Variants in ROBO2 observed in about 807,000 individuals in gnomAD.
ROBO2 encodes the protein roundabout guidance receptor 2.
A neutral mutation model predicts 160.8 loss-of-function variants in ROBO2; 53 were observed. The ratio of observed to expected loss-of-function variants is 0.33; its 90% CI spans 0.26 to 0.41. ROBO2 has a LOEUF of 0.41. Ranked by LOEUF, ROBO2 falls within the 10% of genes least tolerant of loss-of-function variation. ROBO2 has a pLI of 1.00. For missense variants in ROBO2, 1,577 were observed against 1,722.4 expected (o/e 0.92, Z 1.49); for synonymous variants, 664 against 611.7 (o/e 1.09, Z -1.26).
chr3:77,555,017 G>T (rs2093059743), intron 8 of ROBO2, among the ~76,000 whole-genome samples: 1 of 151,832 alleles, frequency 6.6e-6, no homozygotes, highest in Non-Finnish European at 1.5e-5. Context: ...TAAGAAATTG[G>T]CACAGCTACC....
chr3:76,373,630 C>A (rs1416396644), intron 2 of ROBO2, among the ~76,000 whole-genome samples: 1 of 151,920 alleles, frequency 6.6e-6, no homozygotes, highest in Non-Finnish European at 1.5e-5. Flanking sequence ...ATTTCCAGTT[C>A]TTAATACAAT....
chr3:76,098,064 G>A (rs1025813704), intron 2 of ROBO2, among the ~76,000 whole-genome samples: 7 of 152,090 alleles, frequency 4.6e-5, no homozygotes. Flanking sequence ...ATATTTAAGA[G>A]TGTGGTTCAC....
chr3:76,291,618 G>A (rs1459523008), intron 2 of ROBO2, among the ~76,000 whole-genome samples: 1 of 151,908 alleles, frequency 6.6e-6, no homozygotes, highest in Non-Finnish European at 1.5e-5. Context: ...ATGTTAGGTT[G>A]GTTGTTAGTT....
At chr3:76,608,707 A>G (rs572637812) in intron 2 of ROBO2, among the ~76,000 whole-genome samples, 16 of 152,258 alleles carry the variant, frequency 1.1e-4, no homozygotes, top group African/African-American at 2.9e-4. Flanking sequence ...ATAGTTTGAG[A>G]TCTTAAATTT....
At position 77,384,050 on chromosome 3, in the gene ROBO2, G is replaced by C. The variant is rs561744567; in HGVS notation, c.389-93364G>C. Among the ~76,000 whole-genome samples, 5 of 152,258 alleles carry C rather than the reference G, an allele frequency of 3.3e-5. No homozygotes were observed. The South Asian group carries it at 8.3e-4, about 25-fold the overall frequency. Reference sequence around the variant, plus strand: ...AAATATGCCGCCCTGAAAATTTTCAGATGTAGTATGGTGTAAAATATGTTC... The same window carrying C: ...AAATATGCCGCCCTGAAAATTTTCACATGTAGTATGGTGTAAAATATGTTC... On this transcript the variant is annotated intron_variant, in intron 2 of 25. Coordinates refer to ENST00000461745, the Ensembl canonical transcript of ROBO2.
At chr3:76,312,605 G>A (rs573410470) in intron 2 of ROBO2, among the ~76,000 whole-genome samples, 1 of 152,096 alleles carries the variant, frequency 6.6e-6, no homozygotes, top group African/African-American at 2.4e-5. Context: ...ATATTTCCTA[G>A]TGTTATCAAT....
intron 2 of ROBO2, among the ~76,000 whole-genome samples, chr3:76,377,837 T>C (rs922863857): frequency 1.3e-5 from 2 of 152,174 alleles, no homozygotes; most frequent in East Asian, 3.9e-4. Context: ...CCAAGAATCA[T>C]TGATAACCAA....
At chr3:76,157,465 A>G (rs754296655) in intron 2 of ROBO2, among the ~76,000 whole-genome samples, 1 of 152,198 alleles carries the variant, frequency 6.6e-6, no homozygotes, top group Admixed American at 6.5e-5. Context: ...ATCTGTGAGT[A>G]TATAATCAAG....
chr3:77,249,483 G>A (rs958190042), intron 2 of ROBO2, among the ~76,000 whole-genome samples: 85 of 152,230 alleles, frequency 5.6e-4, no homozygotes, highest in Non-Finnish European at 2.4e-4. Flanking sequence ...ACTTAACATA[G>A]CATCTCACGG....
chr3:77,381,009 T>A (rs141738514), intron 2 of ROBO2, among the ~76,000 whole-genome samples: 19 of 152,082 alleles, frequency 1.2e-4, no homozygotes, highest in Non-Finnish European at 2.5e-4. Context: ...AAAGCAGACA[T>A]TTAGAATAAT....
chr3:76,617,233 A>C (rs1371210066), intron 2 of ROBO2, among the ~76,000 whole-genome samples: 6 of 151,928 alleles, frequency 3.9e-5, no homozygotes, highest in Non-Finnish European at 5.9e-5. Context: ...CCTTTCTTTA[A>C]ATGTGCAGGG....
At chr3:77,428,424 C>T (rs1034732757) in intron 2 of ROBO2, among the ~76,000 whole-genome samples, 1 of 141,174 alleles carries the variant, frequency 7.1e-6, no homozygotes, top group African/African-American at 2.7e-5. Flanking sequence ...GGCGCAATCT[C>T]GGCTCACTTG....
At chr3:76,884,066 A>G (rs1225733306) in intron 2 of ROBO2, among the ~76,000 whole-genome samples, 2 of 152,198 alleles carry the variant, frequency 1.3e-5, no homozygotes, top group Non-Finnish European at 2.9e-5. Context: ...CTTGCTTAGA[A>G]TAGGCATAAG....
At chr3:76,625,648 C>T (rs1407561355) in intron 2 of ROBO2, among the ~76,000 whole-genome samples, 4 of 152,060 alleles carry the variant, frequency 2.6e-5, no homozygotes, top group African/African-American at 9.7e-5. Context: ...AAAAGATATT[C>T]CTGGCAGAGC....
At chr3:76,620,520 A>T (rs1010546547) in intron 2 of ROBO2, among the ~76,000 whole-genome samples, 8 of 152,194 alleles carry the variant, frequency 5.3e-5, no homozygotes, top group African/African-American at 1.9e-4. Context: ...TTTAGCTCCT[A>T]ATTCAGCATA....
intron 2 of ROBO2, among the ~76,000 whole-genome samples, chr3:76,260,420 T>A (rs1706670130): frequency 6.6e-6 from 1 of 152,166 alleles, no homozygotes; most frequent in Non-Finnish European, 1.5e-5. Context: ...TACCAACATC[T>A]ACAGAGGTCA....
chr3:76,023,154 T>A (rs2066624855), intron 2 of ROBO2, among the ~76,000 whole-genome samples: 1 of 151,758 alleles, frequency 6.6e-6, no homozygotes, highest in Non-Finnish European at 1.5e-5. Flanking sequence ...TGGGCCTTGT[T>A]GTAGTTGCTT....
intron 2 of ROBO2, among the ~76,000 whole-genome samples, chr3:77,134,950 C>T (rs1048918593): frequency 2.6e-5 from 4 of 152,172 alleles, no homozygotes; most frequent in Admixed American, 2.6e-4. Flanking sequence ...TCCCCGGGCC[C>T]ACCCCCCGTT....
intron 2 of ROBO2, among the ~76,000 whole-genome samples, chr3:76,122,367 T>A (rs140946099): frequency 6.8e-4 from 104 of 152,324 alleles, no homozygotes; most frequent in Non-Finnish European, 1.3e-3. Flanking sequence ...TTGGGTTCTC[T>A]GTATTTTTAT....
Sources: gnomAD v4.1 joint callset for allele counts (sites outside exome capture counted in the v4.1 genomes callset) on GRCh38, gnomAD v4.1.1 for gene constraint, MANE v1.5 for transcripts, NCBI Gene and HGNC (gene_info 2026-07-23, HGNC 2026-07-21) for gene names.